PRIMA1: variants seen among roughly 807,000 people sequenced by gnomAD.
PRIMA1 encodes the protein proline rich membrane anchor 1, also known as proline-rich membrane anchor 1.
In PRIMA1, 7 loss-of-function variants were observed where a neutral mutation model predicts 17.5. That is an observed-to-expected ratio of 0.40 (90% CI 0.23 to 0.75). The LOEUF (loss-of-function observed/expected upper bound fraction) is 0.75. Ranked by LOEUF, PRIMA1 falls within the 30% of genes least tolerant of loss-of-function variation. The probability of loss-of-function intolerance (pLI) is 0.37; values close to 1 mark genes in which losing one functional copy is unlikely to be tolerated. For missense variants in PRIMA1, 200 were observed against 201.8 expected (o/e 0.99, Z 0.05); for synonymous variants, 97 against 77.9 (o/e 1.25, Z -1.29).
rs150907312 is a variant in PRIMA1, at chr14:93,721,438, G to A, written c.*6C>T. On this transcript the variant is annotated 3_prime_UTR_variant, in exon 5 of 5. Transcript: ENST00000393140. ...CCTCTGGCCAGCGGGTCCAGGGCCT[G>A]CAGACTCACACCACTGCGTTGTTCA... is the stretch of plus-strand genomic sequence containing the variant. The A allele has an allele frequency of 2.5e-4, 402 of 1,599,182 alleles. No individual in the cohort carries two copies. The African/African-American group carries it at 4.9e-3, about 20-fold the overall frequency.
At chr14:93,787,008 G>A (rs1885543287) in intron 2 of PRIMA1, among the ~76,000 whole-genome samples, 1 of 147,128 alleles carries the variant, frequency 6.8e-6, no homozygotes, top group Non-Finnish European at 1.5e-5. Context: ...CTGTACCAGT[G>A]ACGATGCGCA....
In PRIMA1 at chr14:93,721,477, G is replaced by A. The variant is rs1022996903; in HGVS notation, c.429C>T (p.Asn143=). Residue 143 remains asparagine, a synonymous_variant, in exon 5 of 5, where the codon AAC becomes AAT. Coordinates refer to ENST00000393140, the MANE Select transcript of PRIMA1 (RefSeq NM_178013.4). ...CTGCGTTGTTCACGTCTACTCCTTTGTTGCTCTGCGAAGCACTCATGGGAT... is the reference window on the plus strand; with the variant it reads ...CTGCGTTGTTCACGTCTACTCCTTTATTGCTCTGCGAAGCACTCATGGGAT... ...AEYPMSASQS[N]KGVDVNNAVV 1 of 1,613,774 alleles carries A rather than the reference G, an allele frequency of 6.2e-7. No individual in the cohort carries two copies. Among genetic ancestry groups the A allele is most frequent in the Non-Finnish European group, 8.5e-7 (1 of 1,179,754 alleles).
chr14:93,735,981 A>C lies in PRIMA1; in HGVS notation c.359+1260T>G, dbSNP rs148817868. ...CGGGATTACAGGCGTGAGCCACCACACCTGGCCCCACCTTGGTTTTCAAGA... is the reference window on the plus strand; with the variant it reads ...CGGGATTACAGGCGTGAGCCACCACCCCTGGCCCCACCTTGGTTTTCAAGA... On this transcript the variant is annotated intron_variant, in intron 4 of 4. Coordinates refer to ENST00000393140, the MANE Select transcript of PRIMA1 (RefSeq NM_178013.4). 7.7e-3 allele frequency among the ~76,000 whole-genome samples: 1,169 copies of C among 152,308 alleles called. 15 individuals carry two copies. Among genetic ancestry groups the C allele is most frequent in the African/African-American group, 0.027 (1,113 of 41,552 alleles).
intron 3 of PRIMA1, among the ~76,000 whole-genome samples, chr14:93,772,519 G>A (rs1885099573): frequency 6.6e-6 from 1 of 152,248 alleles, no homozygotes; most frequent in South Asian, 2.1e-4. Context: ...GGCGGGGACA[G>A]GCAGGCCATG....
chr14:93,784,604 C>T (rs1025432266), intron 2 of PRIMA1, among the ~76,000 whole-genome samples: 1 of 152,208 alleles, frequency 6.6e-6, no homozygotes, highest in African/African-American at 2.4e-5. Context: ...CAACAGTGGC[C>T]TTACCTGGTG....
At chr14:93,740,400 C>T (rs2076177744) in intron 3 of PRIMA1, among the ~76,000 whole-genome samples, 1 of 152,224 alleles carries the variant, frequency 6.6e-6, no homozygotes, top group Non-Finnish European at 1.5e-5. Context: ...CTTCCCTACA[C>T]TCTGGGAAGT....
At chr14:93,728,694 AG>A (rs1242653392) in intron 4 of PRIMA1, among the ~76,000 whole-genome samples, 1 of 152,142 alleles carries the variant, frequency 6.6e-6, no homozygotes, top group African/African-American at 2.4e-5. Context: ...CAAAAGAAAA[AG>A]GCCCCAAGAA....
intron 3 of PRIMA1, among the ~76,000 whole-genome samples, chr14:93,768,151 G>A (rs1343844098): frequency 6.6e-6 from 1 of 151,794 alleles, no homozygotes; most frequent in Non-Finnish European, 1.5e-5. Context: ...GCCTGGATGC[G>A]GCCTCTTGAA....
At chr14:93,743,955 C>T (rs957171663) in intron 3 of PRIMA1, among the ~76,000 whole-genome samples, 4 of 152,258 alleles carry the variant, frequency 2.6e-5, no homozygotes, top group African/African-American at 9.6e-5. Flanking sequence ...TTCGGCCCTG[C>T]CTCAGCCAGC....
At chr14:93,773,235 C>T (rs1472462506) in intron 3 of PRIMA1, among the ~76,000 whole-genome samples, 1 of 152,198 alleles carries the variant, frequency 6.6e-6, no homozygotes, top group Non-Finnish European at 1.5e-5. Context: ...ATGACAATTC[C>T]TCTGCAGGTA....
chr14:93,744,273 G>A (rs1277641410), intron 3 of PRIMA1, among the ~76,000 whole-genome samples: 1 of 152,244 alleles, frequency 6.6e-6, no homozygotes, highest in Non-Finnish European at 1.5e-5. Flanking sequence ...CACTGAGGAA[G>A]GAGTGGTGTG....
rs536169064 is a variant in PRIMA1, at chr14:93,743,424, G to C, written c.230-6054C>G. Among the ~76,000 whole-genome samples the C allele has an allele frequency of 3.1e-3, 473 of 152,374 alleles. 1 individual carries two copies. The highest frequency in any genetic ancestry group is 5.7e-3 in the Non-Finnish European group (390 of 68,044). ...GCTTCACTGGCCTTGATTGTAGTCA[G>C]GTGGGAGCTGTCACTGCAGTTGCTG... On this transcript the variant is annotated intron_variant, in intron 3 of 4. Transcript: ENST00000393140.
intron 4 of PRIMA1, among the ~76,000 whole-genome samples, chr14:93,735,464 T>C (rs1470015143): frequency 2.0e-5 from 3 of 152,076 alleles, no homozygotes; most frequent in African/African-American, 7.2e-5. Flanking sequence ...TCAGCTCAAA[T>C]GCTTTATGGT....
chr14:93,728,078 A>C (rs1258407960), intron 4 of PRIMA1, among the ~76,000 whole-genome samples: 1 of 152,146 alleles, frequency 6.6e-6, no homozygotes, highest in Admixed American at 6.5e-5. Flanking sequence ...GAAGCGGCCC[A>C]TCCCCCTCCC....
At chr14:93,762,393 C>T (rs953611883) in intron 3 of PRIMA1, among the ~76,000 whole-genome samples, 3 of 152,096 alleles carry the variant, frequency 2.0e-5, no homozygotes, top group East Asian at 1.9e-4. Context: ...CAGATGGCCT[C>T]GTCCTGGCTC....
At chr14:93,779,036 G>C in intron 3 of PRIMA1, 140 bp downstream of exon 3, 1 of 615,520 alleles carries the variant, frequency 1.6e-6, no homozygotes, top group Non-Finnish European at 2.8e-6. Context: ...GCAGGGGAAA[G>C]TTGGGCCTTG....
chr14:93,732,123 T>C (rs774295501), intron 4 of PRIMA1, among the ~76,000 whole-genome samples: 6 of 152,344 alleles, frequency 3.9e-5, no homozygotes, highest in Non-Finnish European at 8.8e-5. Context: ...AGTGGCTTCA[T>C]GGCAATTGGG....
chr14:93,770,874 C>T (rs1038484960), intron 3 of PRIMA1, among the ~76,000 whole-genome samples: 2 of 152,120 alleles, frequency 1.3e-5, no homozygotes, highest in Admixed American at 1.3e-4. Context: ...TTAGTAGCTA[C>T]GGAGGACTCA....
At chr14:93,767,000 A>C (rs1039392278) in intron 3 of PRIMA1, among the ~76,000 whole-genome samples, 1 of 152,244 alleles carries the variant, frequency 6.6e-6, no homozygotes, top group African/African-American at 2.4e-5. Flanking sequence ...CAGGGCATCA[A>C]GTCTTGGAGC....
Sources: allele counts gnomAD v4.1 joint callset (sites outside exome capture counted in the v4.1 genomes callset), GRCh38; gene constraint gnomAD v4.1.1; transcripts MANE v1.5; gene names NCBI Gene and HGNC (gene_info 2026-07-23, HGNC 2026-07-21).